PPP1R16B: variants seen among roughly 807,000 people sequenced by gnomAD.
PPP1R16B encodes protein phosphatase 1 regulatory subunit 16B, also known as protein phosphatase 1 regulatory inhibitor subunit 16B.
A neutral mutation model predicts 61.7 loss-of-function variants in PPP1R16B; 14 were observed. The observed-to-expected ratio is 0.23, with a 90% CI of 0.15 to 0.35. The LOEUF is 0.35. Among genes scored for constraint, PPP1R16B ranks in the 10% least tolerant of loss-of-function variants. The pLI, the probability that PPP1R16B is intolerant of heterozygous loss-of-function variation, is 1.00. For missense variants in PPP1R16B, 547 were observed against 752.5 expected (o/e 0.73, Z 3.19); for synonymous variants, 266 against 305.3 (o/e 0.87, Z 1.34).
chr20:38,902,024 G>C (rs1200986245), intron 5 of PPP1R16B, among the ~76,000 whole-genome samples: 1 of 149,872 alleles, frequency 6.7e-6, no homozygotes, highest in East Asian at 2.0e-4. Context: ...CGATCGAACA[G>C]TGCTTGGTCT....
At chr20:38,900,462 G>A in intron 4 of PPP1R16B, 119 bp from the exon 5 acceptor site, 6 of 689,354 alleles carry the variant, frequency 8.7e-6, no homozygotes, top group Non-Finnish European at 1.5e-5. Flanking sequence ...GTACACCTTG[G>A]TGGGGTTTTG....
Position 38,907,715 on chromosome 20 carries a change from G to T in PPP1R16B, c.899-91G>T. On this transcript the variant is annotated intron_variant, in intron 8 of 10. Coordinates refer to ENST00000299824, the MANE Select transcript of PPP1R16B (RefSeq NM_015568.4). The surrounding 1 kb of genome is among the most constrained non-coding windows in gnomAD (Gnocchi z 4.5). Reference sequence around the variant, plus strand: ...TGAAAGATGCTTGGAGTTTTCAGTGGGTTGGGGTGGCAGCTCCTCTGGTCT... The same window carrying T: ...TGAAAGATGCTTGGAGTTTTCAGTGTGTTGGGGTGGCAGCTCCTCTGGTCT... The T allele has an allele frequency of 2.0e-6, 3 of 1,493,446 alleles. No homozygotes were observed. Among genetic ancestry groups the T allele is most frequent in the Non-Finnish European group, 9.2e-7 (1 of 1,090,944 alleles). 92.5% of individuals were successfully genotyped at this position (1,493,446 alleles called of 1,614,324 possible).
intron 7 of PPP1R16B, 140 bp downstream of exon 7, chr20:38,906,234 A>G (rs2085440841): frequency 1.5e-6 from 1 of 688,030 alleles, no homozygotes; most frequent in Non-Finnish European, 2.1e-6. Context: ...TATGTGGGAT[A>G]TGAAAAGGCC....
At chr20:38,823,631 T>G (rs1344944407) in intron 1 of PPP1R16B, among the ~76,000 whole-genome samples, 1 of 151,050 alleles carries the variant, frequency 6.6e-6, no homozygotes, top group African/African-American at 2.4e-5. Context: ...ACAGAGACTT[T>G]GTCTCAAAAA....
intron 2 of PPP1R16B, among the ~76,000 whole-genome samples, chr20:38,866,642 G>A (rs2085092784): frequency 6.6e-6 from 1 of 152,200 alleles, no homozygotes; most frequent in Non-Finnish European, 1.5e-5. Context: ...GATGGCCTGG[G>A]ATGGAGGGTG....
At chr20:38,909,483 C>T (rs769631416) in intron 10 of PPP1R16B, among the ~76,000 whole-genome samples, 7 of 152,240 alleles carry the variant, frequency 4.6e-5, no homozygotes, top group Non-Finnish European at 8.8e-5. Context: ...AACACACTCA[C>T]TCAGCATGGC....
At position 38,869,339 on chromosome 20, in the gene PPP1R16B, A is replaced by C. The variant is rs1045379214; in HGVS notation, c.251-20256A>C. Among the ~76,000 whole-genome samples the C allele has an allele frequency of 2.6e-5, 4 of 152,066 alleles. 1 individual carries two copies. Among genetic ancestry groups the C allele is most frequent in the Admixed American group, 6.5e-5 (1 of 15,294 alleles). On this transcript the variant is annotated intron_variant, in intron 2 of 10. Transcript: ENST00000299824. ...ATGCCCAGCTAATTTTTGTATTTTT[A>C]GTAGAGATGGAATCTCACCATGTTG...
intron 6 of PPP1R16B, among the ~76,000 whole-genome samples, chr20:38,903,571 G>GTCCATCCATCCATCCATCCA (rs1468815206): frequency 1.2e-4 from 14 of 115,106 alleles, no homozygotes; most frequent in Non-Finnish European, 2.5e-4. Flanking sequence ...CCATCCGTCC[G>GTCCATCCATCCATCCATCCA]TCCGTCCGTC....
chr20:38,837,260 A>G (rs2084878362), intron 2 of PPP1R16B, among the ~76,000 whole-genome samples: 1 of 152,236 alleles, frequency 6.6e-6, no homozygotes. Context: ...TGGGGCTAAT[A>G]AGAAAATCCA....
chr20:38,910,082 G>A (rs1383101002), intron 10 of PPP1R16B, among the ~76,000 whole-genome samples: 9 of 151,776 alleles, frequency 5.9e-5, no homozygotes, highest in Non-Finnish European at 8.8e-5. Context: ...GGGTTCAAGC[G>A]ATTCTCTTGC....
At chr20:38,882,140 G>A (rs1003060489) in intron 2 of PPP1R16B, among the ~76,000 whole-genome samples, 1 of 152,196 alleles carries the variant, frequency 6.6e-6, no homozygotes, top group Non-Finnish European at 1.5e-5. Flanking sequence ...ACAATGCCTG[G>A]CACACAGTTA....
At chr20:38,865,025 C>T in intron 2 of PPP1R16B, among the ~76,000 whole-genome samples, 1 of 152,130 alleles carries the variant, frequency 6.6e-6, no homozygotes, top group East Asian at 1.9e-4. Context: ...CTGGGGCTAT[C>T]TGTCTCTTGG....
In PPP1R16B at chr20:38,841,884, G is replaced by A. The variant is rs117582119; in HGVS notation, c.250+5709G>A. Among the ~76,000 whole-genome samples the A allele has an allele frequency of 7.6e-3, 1,158 of 152,320 alleles. 10 individuals carry two copies. The highest frequency in any genetic ancestry group is 0.041 in the Middle Eastern group (12 of 294). The stretch of plus-strand genomic sequence containing the variant: ...TTTTGGGGTAGGATGAAGAATGCTG[G>A]AAGGCAAATTTGGGTACAAGTCTTT... On this transcript the variant is annotated intron_variant, in intron 2 of 10. Coordinates refer to ENST00000299824, the MANE Select transcript of PPP1R16B (RefSeq NM_015568.4).
intron 2 of PPP1R16B, among the ~76,000 whole-genome samples, chr20:38,852,262 T>C (rs2084974020): frequency 6.6e-6 from 1 of 152,218 alleles, no homozygotes; most frequent in Non-Finnish European, 1.5e-5. Context: ...GATGATTATG[T>C]ACAACCTTCT....
intron 3 of PPP1R16B, among the ~76,000 whole-genome samples, chr20:38,893,481 A>G (rs1396775404): frequency 6.6e-6 from 1 of 151,990 alleles, no homozygotes; most frequent in African/African-American, 2.4e-5. Context: ...GTAGGGAAAG[A>G]TGATGAAACT....
intron 2 of PPP1R16B, among the ~76,000 whole-genome samples, chr20:38,867,521 C>T (rs907252283): frequency 3.9e-5 from 6 of 152,298 alleles, no homozygotes; most frequent in East Asian, 3.9e-4. Context: ...AATAATAATA[C>T]ACTACCTACT....
chr20:38,850,235 G>A (rs1161656713), intron 2 of PPP1R16B, among the ~76,000 whole-genome samples: 2 of 152,136 alleles, frequency 1.3e-5, no homozygotes, highest in Non-Finnish European at 2.9e-5. Context: ...CAATTGTAAT[G>A]GCTAGATAAG....
At chr20:38,903,403 T>C (rs111935818) in intron 6 of PPP1R16B, among the ~76,000 whole-genome samples, 1,717 of 152,254 alleles carry the variant, frequency 0.011, 34 homozygotes, top group African/African-American at 0.04. Flanking sequence ...TCACCTCTCC[T>C]ACCCTAGCAC....
In PPP1R16B at chr20:38,835,897, C is replaced by G. The variant is rs975955556; in HGVS notation, c.-29C>G. 11 of 1,517,726 alleles carry G rather than the reference C, an allele frequency of 7.2e-6. 1 individual carries two copies. In the African/African-American group the frequency reaches 9.6e-5, roughly 13 times the overall value. 94.0% of individuals were successfully genotyped at this position (1,517,726 alleles called of 1,614,324 possible). On this transcript the variant is annotated 5_prime_UTR_variant, in exon 2 of 11. Coordinates refer to ENST00000299824, the MANE Select transcript of PPP1R16B (RefSeq NM_015568.4). Reference sequence around the variant, plus strand: ...GCCCCCGGTGCACCGTGCTAGCCCCCAGCCAGGGCGTTGGGGAGGGCGGTG... The same window carrying G: ...GCCCCCGGTGCACCGTGCTAGCCCCGAGCCAGGGCGTTGGGGAGGGCGGTG...
Sources: allele counts gnomAD v4.1 joint callset (sites outside exome capture counted in the v4.1 genomes callset), GRCh38; gene constraint gnomAD v4.1.1; non-coding constraint Gnocchi (gnomAD v3.1); transcripts MANE v1.5; gene names NCBI Gene and HGNC (gene_info 2026-07-23, HGNC 2026-07-21).